SMAD3: variants seen among roughly 807,000 people sequenced by gnomAD.
SMAD3 encodes SMAD family member 3.
In SMAD3, 12 loss-of-function variants were observed where a neutral mutation model predicts 51.8. That is an observed-to-expected ratio of 0.23 (90% CI 0.15 to 0.38). The LOEUF (loss-of-function observed/expected upper bound fraction) is 0.38. SMAD3 is among the 10% of genes least tolerant of loss of function. The pLI, the probability that SMAD3 is intolerant of heterozygous loss-of-function variation, is 1.00. For synonymous variants in SMAD3, 238 were observed against 227.7 expected (o/e 1.05, Z -0.41); for missense variants, 294 against 565.6 (o/e 0.52, Z 4.87).
chr15:67,181,669 G>T (rs1424756707), intron 6 of SMAD3, among the ~76,000 whole-genome samples: 1 of 152,046 alleles, frequency 6.6e-6, no homozygotes, highest in Non-Finnish European at 1.5e-5. Context: ...TAGTGTTCAG[G>T]CCACTTGATC....
chr15:67,187,573 G>A, intron 8 of SMAD3, 64 bp downstream of exon 8: 3 of 1,593,894 alleles, frequency 1.9e-6, no homozygotes, highest in Non-Finnish European at 2.6e-6. Flanking sequence ...CAGCAGAGCA[G>A]GCAGGGCTCC....
intron 1 of SMAD3, 63 bp downstream of exon 1, chr15:67,066,423 C>T (rs2140189380): frequency 7.4e-7 from 1 of 1,360,000 alleles, no homozygotes; most frequent in Non-Finnish European, 1.0e-6. Context: ...ACTGCGGGGC[C>T]GACCCAGTGG....
At chr15:67,082,980 G>T (rs1024806550) in intron 1 of SMAD3, among the ~76,000 whole-genome samples, 12 of 152,204 alleles carry the variant, frequency 7.9e-5, no homozygotes, top group African/African-American at 2.9e-4. Context: ...GGGTTGGCAT[G>T]GGGTGGGCAC....
chr15:67,095,767 T>C (rs1960603010), intron 1 of SMAD3, among the ~76,000 whole-genome samples: 1 of 152,162 alleles, frequency 6.6e-6, no homozygotes, highest in Non-Finnish European at 1.5e-5. Flanking sequence ...ACTCCTGACC[T>C]CAGGTGATCC....
At chr15:67,103,493 A>G (rs1960807132) in intron 1 of SMAD3, among the ~76,000 whole-genome samples, 1 of 152,202 alleles carries the variant, frequency 6.6e-6, no homozygotes, top group African/African-American at 2.4e-5. Flanking sequence ...CCTGACATTA[A>G]GGCTGGGTGG....
intron 1 of SMAD3, among the ~76,000 whole-genome samples, chr15:67,163,478 G>C (rs1595940289): frequency 6.6e-6 from 1 of 152,138 alleles, no homozygotes; most frequent in African/African-American, 2.4e-5. Flanking sequence ...CCCTCCAGAA[G>C]CCTTCTGCCT....
At chr15:67,173,167 A>G (rs913963459) in intron 5 of SMAD3, among the ~76,000 whole-genome samples, 1 of 152,078 alleles carries the variant, frequency 6.6e-6, no homozygotes, top group Non-Finnish European at 1.5e-5. Flanking sequence ...CTCTGTATCC[A>G]TGCGCTCAGT....
intron 1 of SMAD3, among the ~76,000 whole-genome samples, chr15:67,158,827 A>C (rs1163467570): frequency 6.6e-6 from 1 of 152,222 alleles, no homozygotes; most frequent in Non-Finnish European, 1.5e-5. Context: ...TGGCCAAGGC[A>C]GGGAAAGAGA....
At chr15:67,184,706 G>T in intron 6 of SMAD3, 21 bp from the exon 7 acceptor site, 3 of 1,613,846 alleles carry the variant, frequency 1.9e-6, no homozygotes, top group Non-Finnish European at 2.5e-6. Context: ...ACCCTGTCCA[G>T]TCTAACCTGA....
Position 67,165,287 on chromosome 15 carries a change from G to A in SMAD3, c.435G>A (p.Glu145=). The part of the protein sequence containing the change: ...LPPVLVPRHT[E]IPAEFPPLDD... Reference sequence around the variant, plus strand: ...CTGTGTTGGTGCCACGCCACACAGAGATCCCGGCCGAGTTCCCCCCACTGG... The same window carrying A: ...CTGTGTTGGTGCCACGCCACACAGAAATCCCGGCCGAGTTCCCCCCACTGG... The change falls in exon 3 of 9, where the codon GAG becomes GAA. Residue 145 remains glutamate, a synonymous_variant. Transcript: ENST00000327367. 1 of 1,614,214 alleles carries A rather than the reference G, an allele frequency of 6.2e-7. No individual in the cohort carries two copies. The highest frequency in any genetic ancestry group is 1.7e-5 in the Admixed American group (1 of 60,032).
chr15:67,157,335 A>G (rs757514922), intron 1 of SMAD3, among the ~76,000 whole-genome samples: 38 of 152,356 alleles, frequency 2.5e-4, no homozygotes, highest in Middle Eastern at 3.4e-3. Context: ...GTCACTTTTA[A>G]TAATGGTGAT....
intron 1 of SMAD3, among the ~76,000 whole-genome samples, chr15:67,118,205 G>A (rs1187355212): frequency 2.0e-5 from 3 of 152,228 alleles, no homozygotes; most frequent in African/African-American, 4.8e-5. Flanking sequence ...AGATAGGCAC[G>A]GAACAAGTCA....
At chr15:67,108,237 C>T (rs576042057) in intron 1 of SMAD3, among the ~76,000 whole-genome samples, 1 of 152,246 alleles carries the variant, frequency 6.6e-6, no homozygotes, top group African/African-American at 2.4e-5. Flanking sequence ...AGGGATTACG[C>T]ATTTGTGGAG....
At chr15:67,070,060 A>C (rs888424552) in intron 1 of SMAD3, among the ~76,000 whole-genome samples, 13 of 151,936 alleles carry the variant, frequency 8.6e-5, no homozygotes, top group African/African-American at 3.1e-4. Context: ...TTGCCAGGGT[A>C]CTCTCACTTT....
chr15:67,096,935 A>G (rs1960627325), intron 1 of SMAD3, among the ~76,000 whole-genome samples: 2 of 152,106 alleles, frequency 1.3e-5, no homozygotes, highest in Non-Finnish European at 2.9e-5. Context: ...CTACAAACAT[A>G]CTCTTGTTGA....
chr15:67,176,422 C>A (rs1012127474), intron 5 of SMAD3, among the ~76,000 whole-genome samples: 3 of 152,144 alleles, frequency 2.0e-5, no homozygotes, highest in Non-Finnish European at 4.4e-5. Flanking sequence ...TGAGGTGGGC[C>A]CAGCAGAAAC....
At chr15:67,092,161 G>C (rs965035153) in intron 1 of SMAD3, among the ~76,000 whole-genome samples, 6 of 152,204 alleles carry the variant, frequency 3.9e-5, no homozygotes, top group African/African-American at 1.2e-4. Flanking sequence ...GAGGCCTCCT[G>C]ATCTGGAGCC....
At chr15:67,071,910 A>C (rs1960063529) in intron 1 of SMAD3, among the ~76,000 whole-genome samples, 1 of 152,196 alleles carries the variant, frequency 6.6e-6, no homozygotes, top group Admixed American at 6.5e-5. Flanking sequence ...TCTCTAGTTA[A>C]CACTTGCTGA....
In SMAD3 at chr15:67,181,314, C is replaced by T. The variant is rs749576770; in HGVS notation, c.732C>T (p.Val244=). The change falls in exon 6 of 9, where the codon GTC becomes GTT. Residue 244 remains valine (V), a synonymous_variant. Coordinates refer to ENST00000327367, the MANE Select transcript of SMAD3 (RefSeq NM_005902.4). ...CCTACTACGAGCTGAACCAGCGCGT[C>T]GGGGAGACATTCCACGCCTCGCAGC... ...SISYYELNQR[V]GETFHASQPS... The T allele has an allele frequency of 6.8e-6, 11 of 1,613,974 alleles. No homozygotes were observed. The highest frequency in any genetic ancestry group is 2.2e-5 in the East Asian group (1 of 44,896).
Sources: allele counts gnomAD v4.1 joint callset (sites outside exome capture counted in the v4.1 genomes callset), GRCh38; gene constraint gnomAD v4.1.1; transcripts MANE v1.5; gene names NCBI Gene and HGNC (gene_info 2026-07-23, HGNC 2026-07-21).